The following RBFOX1 variants were observed in gnomAD, a reference collection of about 807,000 sequenced individuals.
RBFOX1 encodes RNA binding protein fox-1 homolog 1.
Under a neutral mutation model 57.7 loss-of-function variants are expected in RBFOX1, and 8 were observed. The ratio of observed to expected loss-of-function variants is 0.14; its 90% CI spans 0.08 to 0.25. RBFOX1 has a LOEUF of 0.25. Ranked by LOEUF, RBFOX1 falls within the 10% of genes least tolerant of loss-of-function variation. The pLI, the probability that RBFOX1 is intolerant of heterozygous loss-of-function variation, is 1.00. For missense variants in RBFOX1, 611 were observed against 548.5 expected, an observed-to-expected ratio of 1.11 and a Z score of -1.14; for synonymous variants, 326 against 222.4, an observed-to-expected ratio of 1.47 and a Z score of -4.15.
chr16:5,628,296 A>G (rs934379065), intron 3 of RBFOX1, among the ~76,000 whole-genome samples: 4 of 152,208 alleles, frequency 2.6e-5, no homozygotes, highest in Non-Finnish European at 4.4e-5. Context: ...CCTACCTGTG[A>G]TACCAATTAT....
At chr16:5,374,569 T>C (rs2065939666) in intron 1 of RBFOX1, among the ~76,000 whole-genome samples, 1 of 152,080 alleles carries the variant, frequency 6.6e-6, no homozygotes, top group Non-Finnish European at 1.5e-5. Flanking sequence ...GAATTACAGA[T>C]GGGCAGGGTC....
intron 11 of RBFOX1, among the ~76,000 whole-genome samples, chr16:7,643,826 C>T (rs1239407013): frequency 6.6e-6 from 1 of 152,124 alleles, no homozygotes; most frequent in Non-Finnish European, 1.5e-5. Flanking sequence ...GTCTTGAAAT[C>T]TCAGAACTTA....
chr16:6,442,966 C>G (rs78933176), intron 2 of RBFOX1, among the ~76,000 whole-genome samples: 2 of 152,126 alleles, frequency 1.3e-5, no homozygotes, highest in African/African-American at 4.8e-5. Context: ...TGAGTCCCAC[C>G]CTGAGACATT....
At chr16:5,959,841 T>C (rs564814790) in intron 4 of RBFOX1, among the ~76,000 whole-genome samples, 4 of 151,842 alleles carry the variant, frequency 2.6e-5, no homozygotes, top group Non-Finnish European at 4.4e-5. Context: ...AGAAAGAAAT[T>C]GCTGGTGGCT....
chr16:6,574,978 C>T (rs1245001442), intron 2 of RBFOX1, among the ~76,000 whole-genome samples: 6 of 150,352 alleles, frequency 4.0e-5, no homozygotes, highest in African/African-American at 1.5e-4. Context: ...GCGGAGCTTG[C>T]AGTGAGCCGA....
chr16:6,270,059 C>G (rs986524134), intron 1 of RBFOX1, among the ~76,000 whole-genome samples: 2 of 151,940 alleles, frequency 1.3e-5, no homozygotes, highest in African/African-American at 4.8e-5. Context: ...ACCTAGATAA[C>G]TGCTAAAAAA....
rs147901160 is a variant in RBFOX1 at position 7,595,471 on chromosome 16, G to C, written c.469-78G>C. On this transcript the variant is annotated intron_variant, in intron 7 of 15. Transcript: ENST00000550418. The stretch of plus-strand genomic sequence containing the variant: ...GCCAGGACAAGAAATAGAAATTAAA[G>C]CGAGAGAACATTACCAAGTGGTCGT... The C allele has an allele frequency of 4.3e-4, 487 of 1,135,654 alleles. 4 individuals carry two copies. The African/African-American group carries it at 5.3e-3, about 12-fold the overall frequency. The allele number at this position is 1,135,654 out of a possible 1,614,324, so 70.3% of individuals were successfully genotyped here. A position where few individuals can be genotyped will look rare whatever the true frequency, so the allele number is the denominator to read the frequency against.
At chr16:6,932,038 C>A (rs1173924850) in intron 3 of RBFOX1, among the ~76,000 whole-genome samples, 2 of 152,134 alleles carry the variant, frequency 1.3e-5, no homozygotes, top group African/African-American at 4.8e-5. Context: ...CCTCCTGCAA[C>A]AATCCATTCT....
At chr16:7,428,197 G>A (rs1032573332) in intron 4 of RBFOX1, among the ~76,000 whole-genome samples, 2 of 152,002 alleles carry the variant, frequency 1.3e-5, no homozygotes, top group African/African-American at 4.8e-5. Flanking sequence ...CCTGAAGTCA[G>A]GAATCCCTTT....
At position 6,952,674 on chromosome 16, in the gene RBFOX1, G is replaced by GA. The variant is rs201223073; in HGVS notation, c.-15-99375dup. Among the ~76,000 whole-genome samples the GA allele has an allele frequency of 2.2e-4, 34 of 151,730 alleles. No individual in the cohort carries two copies. The East Asian group carries it at 4.7e-3, about 21-fold the overall frequency. Reference sequence around the variant, plus strand: ...CAAAAAAAAGAAAAGAAAAAGAAATGAAAAAAAATTATCCTTGGTAGGGCC... The same window carrying GA: ...CAAAAAAAAGAAAAGAAAAAGAAATGAAAAAAAAATTATCCTTGGTAGGGCC... On this transcript the variant is annotated intron_variant, in intron 3 of 15. Transcript: ENST00000550418.
chr16:6,512,576 C>G (rs939642961), intron 2 of RBFOX1, among the ~76,000 whole-genome samples: 5 of 152,168 alleles, frequency 3.3e-5, no homozygotes, highest in Non-Finnish European at 7.3e-5. Context: ...TTTTAGTCTT[C>G]TGCCTCCAAT....
intron 4 of RBFOX1, among the ~76,000 whole-genome samples, chr16:7,498,877 C>G (rs1029030076): frequency 2.6e-5 from 4 of 152,092 alleles, no homozygotes; most frequent in African/African-American, 7.2e-5. Context: ...GTCATGCGCC[C>G]CAACTTTCTC....
intron 3 of RBFOX1, among the ~76,000 whole-genome samples, chr16:6,904,532 C>T (rs1241419303): frequency 1.5e-5 from 2 of 132,784 alleles, no homozygotes; most frequent in African/African-American, 2.9e-5. Flanking sequence ...ACCCAGGAGG[C>T]AGATGTTGCA....
chr16:6,378,726 A>T (rs1383325810), intron 2 of RBFOX1, among the ~76,000 whole-genome samples: 1 of 152,196 alleles, frequency 6.6e-6, no homozygotes, highest in Non-Finnish European at 1.5e-5. Context: ...AGCATATGCC[A>T]ACCCCCTCAT....
chr16:6,502,382 T>C (rs1284105489), intron 2 of RBFOX1, among the ~76,000 whole-genome samples: 3 of 152,148 alleles, frequency 2.0e-5, no homozygotes, highest in Admixed American at 6.6e-5. Context: ...AAACCAGTGG[T>C]ATAAGTAAGA....
chr16:6,389,825 G>C (rs918900403), intron 2 of RBFOX1, among the ~76,000 whole-genome samples: 3 of 152,174 alleles, frequency 2.0e-5, no homozygotes, highest in Non-Finnish European at 2.9e-5. Flanking sequence ...GTAAGGCTCA[G>C]AATAAAAATT....
At position 6,728,936 on chromosome 16, in the gene RBFOX1, T is replaced by C. The variant is rs373367421; in HGVS notation, c.-16+74286T>C. 3.9e-5 allele frequency among the ~76,000 whole-genome samples: 6 copies of C among 152,316 alleles called. No homozygotes were observed. The East Asian group carries it at 1.2e-3, about 29-fold the overall frequency. On this transcript the variant is annotated intron_variant, in intron 3 of 15. Transcript: ENST00000550418. ...ACATATGCATACATACGCACACGTATATTTGTATACATACACACACTTTTA... is the reference window on the plus strand; with the variant it reads ...ACATATGCATACATACGCACACGTACATTTGTATACATACACACACTTTTA...
chr16:7,479,578 G>T (rs1042010766), intron 4 of RBFOX1, among the ~76,000 whole-genome samples: 1 of 152,188 alleles, frequency 6.6e-6, no homozygotes, highest in African/African-American at 2.4e-5. Context: ...TGGGCCTGGG[G>T]TGTGAAGCAT....
chr16:6,865,869 C>T (rs1046264330), intron 3 of RBFOX1, among the ~76,000 whole-genome samples: 15 of 152,026 alleles, frequency 9.9e-5, no homozygotes, highest in Admixed American at 9.2e-4. Context: ...TTATTTCTTC[C>T]TGACAAGTCT....
Sources: allele counts gnomAD v4.1 joint callset (sites outside exome capture counted in the v4.1 genomes callset), GRCh38; gene constraint gnomAD v4.1.1; transcripts MANE v1.5; gene names NCBI Gene and HGNC (gene_info 2026-07-23, HGNC 2026-07-21).